The following ZNF507 variants were observed in gnomAD, a reference collection of about 807,000 sequenced individuals.
The protein encoded by ZNF507 is zinc finger protein 507.
Under a neutral mutation model 80.0 loss-of-function variants are expected in ZNF507, and 29 were observed. That is an observed-to-expected ratio of 0.36 (90% CI 0.27 to 0.49). The LOEUF (loss-of-function observed/expected upper bound fraction) is 0.49, where lower values mean the gene tolerates loss of function less well. ZNF507 is among the 20% of genes least tolerant of loss of function. The pLI is 0.98. For synonymous variants in ZNF507, 462 were observed against 422.5 expected, an observed-to-expected ratio of 1.09 and a Z score of -1.15; for missense variants, 1,081 against 1,152.2, an observed-to-expected ratio of 0.94 and a Z score of 0.90.
chr19:32,379,830 A>G (rs1156589653), intron 5 of ZNF507, among the ~76,000 whole-genome samples: 3 of 151,888 alleles, frequency 2.0e-5, no homozygotes, highest in Non-Finnish European at 4.4e-5. Flanking sequence ...ACTATATGAA[A>G]ATAAACCAAT....
At chr19:32,347,635 A>C (rs1203295984) in intron 2 of ZNF507, among the ~76,000 whole-genome samples, 4 of 141,876 alleles carry the variant, frequency 2.8e-5, no homozygotes, top group East Asian at 2.0e-4. Context: ...TCTCATCTGC[A>C]AAAAAAAAAA....
At chr19:32,372,333 A>G (rs956367869) in intron 5 of ZNF507, among the ~76,000 whole-genome samples, 4 of 152,268 alleles carry the variant, frequency 2.6e-5, no homozygotes, top group South Asian at 2.1e-4. Flanking sequence ...TATAGATTAT[A>G]TAATCAGAAA....
chr19:32,366,704 GAGTCC>G (rs1479539571), intron 5 of ZNF507, among the ~76,000 whole-genome samples: 3 of 152,180 alleles, frequency 2.0e-5, no homozygotes, highest in African/African-American at 7.2e-5. Context: ...TATATGAAAT[GAGTCC>G]ATTTCCATTG....
At chr19:32,374,868 G>A (rs1484140735) in intron 5 of ZNF507, among the ~76,000 whole-genome samples, 1 of 152,152 alleles carries the variant, frequency 6.6e-6, no homozygotes, top group African/African-American at 2.4e-5. Context: ...AAATGTCCTT[G>A]TTCTGTTCTT....
In ZNF507 at chr19:32,354,368, C is replaced by T. The variant is rs1399515363; in HGVS notation, c.1538C>T (p.Ala513Val). Residue 513 changes from alanine (A) to valine (V), a missense_variant, in exon 3 of 7, where the codon GCC becomes GTC. By Grantham distance (64) the Ala-to-Val change is moderately conservative. Coordinates refer to ENST00000355898, the MANE Select transcript of ZNF507 (RefSeq NM_001136156.2). ...MPIRAAELTR[A>V]NLGHYGDINL... ...ATAAGAGCTGCAGAGTTGACAAGAG[C>T]CAACCTGGGGCACTATGGAGATATA... 6.2e-7 allele frequency: 1 copy of T among 1,613,994 alleles called. No individual in the cohort carries two copies. The highest frequency in any genetic ancestry group is 1.3e-5 in the African/African-American group (1 of 74,916).
At chr19:32,362,424 A>G (rs1389682695) in intron 5 of ZNF507, among the ~76,000 whole-genome samples, 1 of 152,222 alleles carries the variant, frequency 6.6e-6, no homozygotes, top group Non-Finnish European at 1.5e-5. Flanking sequence ...TCATGGAGAA[A>G]TATTTATTGA....
chr19:32,345,983 G>A (rs1196637984), intron 1 of ZNF507, among the ~76,000 whole-genome samples, 200 bp downstream of exon 1: 1 of 152,228 alleles, frequency 6.6e-6, no homozygotes, highest in Non-Finnish European at 1.5e-5. Context: ...GGCTTGCCCT[G>A]CAGCTGGGGG....
chr19:32,351,062 T>C (rs976810802), intron 2 of ZNF507, among the ~76,000 whole-genome samples: 5 of 152,216 alleles, frequency 3.3e-5, no homozygotes, highest in African/African-American at 9.6e-5. Context: ...TCCTTCTACC[T>C]GAGAAAGATG....
chr19:32,351,419 CTGTGTGTGTGTGTGTGTGTGTGTG>C (rs5823), intron 2 of ZNF507, among the ~76,000 whole-genome samples: 57 of 52,836 alleles, frequency 1.1e-3, no homozygotes, highest in South Asian at 1.0e-2. Context: ...AGCTGGTCAG[CTGTGTGTGTGTGTGTGTGTGTGTG>C]TGTGTGTGTG....
intron 5 of ZNF507, chr19:32,381,951 TTTAAGA>T (rs1461841728): frequency 6.6e-6 from 1 of 152,280 alleles, no homozygotes; most frequent in African/African-American, 2.4e-5. Context: ...ATAGAAACTT[TTTAAGA>T]TTATTTGTTT....
intron 5 of ZNF507, among the ~76,000 whole-genome samples, chr19:32,380,888 C>T (rs1967614392): frequency 6.6e-6 from 1 of 152,096 alleles, no homozygotes; most frequent in South Asian, 2.1e-4. Context: ...ATGGTCATGC[C>T]ACTGTACTCC....
intron 1 of ZNF507, among the ~76,000 whole-genome samples, chr19:32,346,206 G>C (rs919270939): frequency 6.6e-6 from 1 of 152,184 alleles, no homozygotes; most frequent in African/African-American, 2.4e-5. Flanking sequence ...GCCAGTGCGT[G>C]GTGTAGAAAA....
intron 4 of ZNF507, chr19:32,359,461 C>T (rs996967092): frequency 6.6e-6 from 1 of 152,168 alleles, no homozygotes; most frequent in East Asian, 1.9e-4. Context: ...CCTGCTCTGC[C>T]TTTTTCATGA....
At chr19:32,382,446 C>T (rs749703693) in intron 5 of ZNF507, 21 bp from the exon 6 acceptor site, 4 of 1,610,382 alleles carry the variant, frequency 2.5e-6, no homozygotes, top group South Asian at 2.2e-5. Context: ...TCTGATTTTC[C>T]CTTGCCTGCC....
chr19:32,354,708 C>G lies in ZNF507; in HGVS notation c.1878C>G (p.Ser626=). 6.2e-7 allele frequency: 1 copy of G among 1,614,120 alleles called. No individual in the cohort carries two copies. Among genetic ancestry groups the G allele is most frequent in the East Asian group, 2.2e-5 (1 of 44,878 alleles). ...QCQPNSDTSL[S]GNNVVEYIPN... ...AACCCAACAGCGATACAAGTTTGTCCGGAAACAATGTGGTGGAATACATCC... is the reference window on the plus strand; with the variant it reads ...AACCCAACAGCGATACAAGTTTGTCGGGAAACAATGTGGTGGAATACATCC... Residue 626 remains serine (S), a synonymous_variant, in exon 3 of 7, where the codon TCC becomes TCG. Coordinates refer to ENST00000355898, the MANE Select transcript of ZNF507 (RefSeq NM_001136156.2).
chr19:32,380,967 A>C (rs1254453077), intron 5 of ZNF507, among the ~76,000 whole-genome samples: 4 of 152,158 alleles, frequency 2.6e-5, no homozygotes, highest in African/African-American at 9.7e-5. Flanking sequence ...GAATGTTCCT[A>C]TCACCAATTA....
rs1024807130 is a variant in ZNF507 at position 32,385,411 on chromosome 19, T to C, written c.*2328T>C. The C allele has an allele frequency of 3.9e-5, 6 of 152,216 alleles. No individual in the cohort carries two copies. The highest frequency in any genetic ancestry group is 1.4e-4 in the African/African-American group (6 of 41,456). The allele number at this position is 152,216 out of a possible 1,614,324, so 9.4% of individuals were successfully genotyped here. On this transcript the variant is annotated 3_prime_UTR_variant, in exon 7 of 7. Coordinates refer to ENST00000355898, the MANE Select transcript of ZNF507 (RefSeq NM_001136156.2). ...AAGGAGGTTCTTTCCCTTCCCATTA[T>C]CATTTTGTGGCAAGCCTTAAGTTAA...
rs2145318188 is a variant in ZNF507 at position 32,354,608 on chromosome 19, A to C, written c.1778A>C (p.Lys593Thr). The change falls in exon 3 of 7, where the codon AAA (lysine) becomes ACA (threonine). Residue 593 changes from lysine (K) to threonine (T), a missense_variant. Coordinates refer to ENST00000355898, the MANE Select transcript of ZNF507 (RefSeq NM_001136156.2). ...ATGTCCTTACTCACCGTCATTGAAA[A>C]ATTGAGAGAAAGGACAGACCAAAAC... ...ISMSLLTVIE[K>T]LRERTDQNAS... The C allele has an allele frequency of 6.2e-7, 1 of 1,614,128 alleles. No individual in the cohort carries two copies. Among genetic ancestry groups the C allele is most frequent in the Middle Eastern group, 1.6e-4 (1 of 6,062 alleles).
intron 5 of ZNF507, among the ~76,000 whole-genome samples, chr19:32,372,573 A>G (rs953059168): frequency 6.6e-6 from 1 of 152,078 alleles, no homozygotes. Flanking sequence ...CTATGTCACA[A>G]CATGGCAGAG....
Sources: gnomAD v4.1 joint callset for allele counts (sites outside exome capture counted in the v4.1 genomes callset) on GRCh38, gnomAD v4.1.1 for gene constraint, MANE v1.5 for transcripts, NCBI Gene and HGNC (gene_info 2026-07-23, HGNC 2026-07-21) for gene names.